Variants in THSD4 observed in about 807,000 individuals in gnomAD.
THSD4 encodes thrombospondin type 1 domain containing 4.
In THSD4, 69 loss-of-function variants were observed where a neutral mutation model predicts 119.0. The ratio of observed to expected loss-of-function variants is 0.58; its 90% CI spans 0.48 to 0.71. The LOEUF is 0.71. THSD4 is among the 30% of genes least tolerant of loss of function. THSD4 has a pLI of 0.00. For missense variants in THSD4, 1,393 were observed against 1,391.1 expected, an observed-to-expected ratio of 1.00 and a Z score of -0.02; for synonymous variants, 524 against 540.4, an observed-to-expected ratio of 0.97 and a Z score of 0.42.
At chr15:71,355,404 ATGCATG>A (rs1454544639) in intron 6 of THSD4, among the ~76,000 whole-genome samples, 5 of 152,174 alleles carry the variant, frequency 3.3e-5, no homozygotes, top group African/African-American at 1.2e-4. Flanking sequence ...GTGTGTGTGC[ATGCATG>A]TGCATGTGTG....
At chr15:71,494,804 G>C (rs2047985183) in intron 7 of THSD4, among the ~76,000 whole-genome samples, 1 of 152,068 alleles carries the variant, frequency 6.6e-6, no homozygotes, top group Admixed American at 6.6e-5. Context: ...CCAGGGTCAG[G>C]GTTATGTGCT....
upstream of THSD4, chr15:71,110,687 T>G (rs541748477): frequency 7.7e-5 from 13 of 168,890 alleles, no homozygotes; most frequent in South Asian, 1.9e-3. Flanking sequence ...TTGTGGACTC[T>G]GAAGCCACAC....
chr15:71,475,636 A>G (rs1369582009), intron 7 of THSD4, among the ~76,000 whole-genome samples: 1 of 152,192 alleles, frequency 6.6e-6, no homozygotes, highest in Admixed American at 6.5e-5. Context: ...GCATAAAGAA[A>G]TGGCGGCCAG....
In THSD4 at chr15:71,215,287, C is replaced by T. The variant is rs1203832277; in HGVS notation, c.352C>T (p.Arg118Cys). 1.3e-6 allele frequency: 2 copies of T among 1,522,032 alleles called. No homozygotes were observed. The highest frequency in any genetic ancestry group is 2.6e-5 in the East Asian group (1 of 39,152). The allele number at this position is 1,522,032 out of a possible 1,614,324, so 94.3% of individuals were successfully genotyped here. The part of the protein sequence containing the change: ...VRTSVPLHRS[R>C]DETPALAGTD... ...CACGTCGGTGCCACTGCACCGGAGC[C>T]GCGACGAGACGCCAGCGCTGGCCGG... Residue 118 changes from arginine (R) to cysteine (C), a missense_variant, in exon 4 of 18, where the codon CGC (arginine) becomes TGC (cysteine). Coordinates refer to ENST00000261862, the MANE Select transcript of THSD4 (RefSeq NM_024817.3).
intron 7 of THSD4, among the ~76,000 whole-genome samples, chr15:71,629,996 C>T (rs2050592313): frequency 6.6e-6 from 1 of 152,190 alleles, no homozygotes; most frequent in Non-Finnish European, 1.5e-5. Context: ...TCTTGGCCGG[C>T]TTTGCTCCTC....
intron 8 of THSD4, among the ~76,000 whole-genome samples, chr15:71,684,483 T>C (rs2051864332): frequency 6.6e-6 from 1 of 151,684 alleles, no homozygotes; most frequent in African/African-American, 2.4e-5. Context: ...ATGCTCATCA[T>C]TGGGGTAAGA....
At chr15:71,486,134 C>T (rs760631447) in intron 7 of THSD4, among the ~76,000 whole-genome samples, 1 of 152,012 alleles carries the variant, frequency 6.6e-6, no homozygotes, top group Non-Finnish European at 1.5e-5. Flanking sequence ...AGCACCCTTA[C>T]ACACCCTCCC....
chr15:71,374,554 A>C (rs1375799636), intron 6 of THSD4, among the ~76,000 whole-genome samples: 1 of 152,198 alleles, frequency 6.6e-6, no homozygotes, highest in African/African-American at 2.4e-5. Flanking sequence ...AAGTTCTACC[A>C]GTTCTGCTGT....
At position 71,299,977 on chromosome 15, in the gene THSD4, ATATAT is replaced by A. The variant is rs1208652829; in HGVS notation, c.1015+43263_1015+43267del. On this transcript the variant is annotated intron_variant, in intron 6 of 17. Transcript: ENST00000261862. ...GTCTCTACCAAAAAAAAAAAAAAAAATATATATATATATATATATATATATTAGCC... is the reference window on the plus strand; with the variant it reads ...GTCTCTACCAAAAAAAAAAAAAAAAAATATATATATATATATATATTAGCC... 8.7e-3 allele frequency among the ~76,000 whole-genome samples: 282 copies of A among 32,462 alleles called. 2 individuals are homozygous for A. The highest frequency in any genetic ancestry group is 0.029 in the South Asian group (24 of 824). The allele number at this position is 32,462 out of a possible 152,430, so 21.3% of individuals were successfully genotyped here.
At chr15:71,345,748 C>T (rs948374090) in intron 6 of THSD4, among the ~76,000 whole-genome samples, 11 of 150,912 alleles carry the variant, frequency 7.3e-5, no homozygotes, top group Non-Finnish European at 1.0e-4. Context: ...AAAGACATTC[C>T]GTTAGAGTGC....
At chr15:71,292,876 C>T (rs1172176419) in intron 6 of THSD4, among the ~76,000 whole-genome samples, 1 of 152,150 alleles carries the variant, frequency 6.6e-6, no homozygotes, top group Non-Finnish European at 1.5e-5. Context: ...CAGGGTTTCA[C>T]TGTGTTAGCC....
rs780712768 is a variant in THSD4 at position 71,340,603 on chromosome 15, CT to C, written c.1016-71064del. 2.9e-3 allele frequency among the ~76,000 whole-genome samples: 330 copies of C among 115,220 alleles called. 5 individuals are homozygous for C. The highest frequency in any genetic ancestry group is 0.028 in the South Asian group (100 of 3,614). The allele number at this position is 115,220 out of a possible 152,430, so 75.6% of individuals were successfully genotyped here. ...TTGGGCCTTAATGAGCATCCAGAGA[CT>C]TTTTTTTTTTTTTTTTTTTGCGACA... On this transcript the variant is annotated intron_variant, in intron 6 of 17. Coordinates refer to ENST00000261862, the MANE Select transcript of THSD4 (RefSeq NM_024817.3).
intron 7 of THSD4, among the ~76,000 whole-genome samples, chr15:71,459,675 T>C (rs1176395132): frequency 6.6e-6 from 1 of 152,174 alleles, no homozygotes; most frequent in Non-Finnish European, 1.5e-5. Flanking sequence ...AGAACCCTCA[T>C]ATTAAAATAT....
At chr15:71,621,362 A>G (rs2050415953) in intron 7 of THSD4, among the ~76,000 whole-genome samples, 1 of 152,208 alleles carries the variant, frequency 6.6e-6, no homozygotes, top group Admixed American at 6.5e-5. Flanking sequence ...TTGCTAGGAC[A>G]GTTGTCCCAG....
intron 8 of THSD4, among the ~76,000 whole-genome samples, chr15:71,665,171 T>C (rs548299546): frequency 2.0e-5 from 3 of 152,224 alleles, no homozygotes; most frequent in Non-Finnish European, 4.4e-5. Flanking sequence ...TTTTTGACTT[T>C]TTATTAATAG....
chr15:71,101,718 TA>T (rs1357865140), intron 1 of THSD4, among the ~76,000 whole-genome samples: 5 of 143,120 alleles, frequency 3.5e-5, no homozygotes, highest in Non-Finnish European at 7.6e-5. Context: ...TTTTCTTTTT[TA>T]TTTTTTTTTT....
At chr15:71,673,596 A>G (rs1157723296) in intron 8 of THSD4, among the ~76,000 whole-genome samples, 1 of 152,158 alleles carries the variant, frequency 6.6e-6, no homozygotes, top group South Asian at 2.1e-4. Flanking sequence ...TGTCAATTTT[A>G]GATCTTTCCT....
intron 3 of THSD4, among the ~76,000 whole-genome samples, chr15:71,190,104 A>G (rs1353820096): frequency 6.6e-6 from 1 of 152,188 alleles, no homozygotes; most frequent in African/African-American, 2.4e-5. Flanking sequence ...GGTAGACATC[A>G]TTTACTGACC....
At chr15:71,492,470 AG>A (rs1243344019) in intron 7 of THSD4, among the ~76,000 whole-genome samples, 3 of 151,736 alleles carry the variant, frequency 2.0e-5, no homozygotes, top group Non-Finnish European at 4.4e-5. Context: ...TTTTTAATAG[AG>A]GGGGGGAGTT....
Sources: allele counts gnomAD v4.1 joint callset (sites outside exome capture counted in the v4.1 genomes callset), GRCh38; gene constraint gnomAD v4.1.1; transcripts MANE v1.5; gene names NCBI Gene and HGNC (gene_info 2026-07-23, HGNC 2026-07-21).